LDHAL6A: variants seen among roughly 807,000 people sequenced by gnomAD.
The protein encoded by LDHAL6A is lactate dehydrogenase A like 6A, also known as L-lactate dehydrogenase A-like 6A.
Under a neutral mutation model 28.2 loss-of-function variants are expected in LDHAL6A, and 19 were observed. That is an observed-to-expected ratio of 0.67 (90% confidence interval 0.47 to 0.99). The LOEUF is 0.99. Ranked by LOEUF, LDHAL6A falls within the 50% of genes least tolerant of loss-of-function variation. The pLI is 0.00. For missense variants in LDHAL6A, 372 were observed against 398.6 expected, an observed-to-expected ratio of 0.93 and a Z score of 0.57; for synonymous variants, 144 against 134.4, an observed-to-expected ratio of 1.07 and a Z score of -0.49.
Position 18,475,499 on chromosome 11 carries a change from G to A in LDHAL6A, c.452G>A (p.Ser151Asn). The A allele has an allele frequency of 6.2e-7, 1 of 1,613,966 alleles. No individual in the cohort carries two copies. Among genetic ancestry groups the A allele is most frequent in the Non-Finnish European group, 8.5e-7 (1 of 1,179,910 alleles). ...DILTYVAWKL[S>N]GFPKNRVIGS... ...TTAACTTATGTAGCCTGGAAGTTGA[G>A]TGGATTTCCCAAAAACCGTGTTATT... Residue 151 changes from serine to asparagine, a missense_variant, in exon 4 of 7, where the codon AGT becomes AAT. By Grantham distance (46) the Ser-to-Asn change is conservative. Transcript: ENST00000280706.
Position 18,476,379 on chromosome 11 carries a change from C to T in LDHAL6A, c.593-5C>T. 6.2e-7 allele frequency: 1 copy of T among 1,610,130 alleles called. No homozygotes were observed. Among genetic ancestry groups the T allele is most frequent in the Middle Eastern group, 1.7e-4 (1 of 5,978 alleles). The stretch of plus-strand genomic sequence containing the variant: ...GAAGTGGGATTTTGGGTGTCTCTTT[C>T]TTAGTTCCTGTGTGGAGTGGTGTGA... On this transcript the variant is annotated splice_polypyrimidine_tract_variant and splice_region_variant and intron_variant, in intron 4 of 6. Transcript: ENST00000280706.
chr11:18,467,906 TATATATATATATAC>T (rs1849121535), intron 3 of LDHAL6A, among the ~76,000 whole-genome samples: 8 of 71,426 alleles, frequency 1.1e-4, no homozygotes, highest in East Asian at 1.5e-3. Flanking sequence ...TATATATATA[TATATATATATATAC>T]ACACACATAT....
At chr11:18,474,245 A>AT (rs1357365083) in intron 3 of LDHAL6A, among the ~76,000 whole-genome samples, 1 of 151,202 alleles carries the variant, frequency 6.6e-6, no homozygotes, top group African/African-American at 2.4e-5. Flanking sequence ...CGCCTGGCTA[A>AT]TTTTTTTATT....
rs1849381197 is a variant in LDHAL6A at position 18,476,330 on chromosome 11, C to T, written c.593-54C>T. On this transcript the variant is annotated intron_variant, in intron 4 of 6. Transcript: ENST00000280706. ...TAACAGTTTTGCTGAGGTCAAAAAC[C>T]AAAACCCTGCTAATACCATGTAAGA... is the stretch of plus-strand genomic sequence containing the variant. The T allele has an allele frequency of 7.1e-6, 11 of 1,559,528 alleles. No homozygotes were observed. The East Asian group carries it at 1.8e-4, about 26-fold the overall frequency.
In LDHAL6A at chr11:18,479,542, T is replaced by TATAC. The variant is rs1554969075; in HGVS notation, c.*673_*674insTACA. 5 of 151,768 alleles carry TATAC rather than the reference T, an allele frequency of 3.3e-5. No homozygotes were observed. Among genetic ancestry groups the TATAC allele is most frequent in the East Asian group, 1.9e-4 (1 of 5,154 alleles). The allele number at this position is 151,768 out of a possible 1,614,324, so 9.4% of individuals were successfully genotyped here. On this transcript the variant is annotated 3_prime_UTR_variant, in exon 7 of 7. Transcript: ENST00000280706. Reference sequence around the variant, plus strand: ...ATGTAAAAATAAAAGTGTATATATATACACACACACACAGAGAGTAATCTA... The same window carrying TATAC: ...ATGTAAAAATAAAAGTGTATATATATATACACACACACACACAGAGAGTAATCTA...
At chr11:18,468,042 T>C (rs1424874587) in intron 3 of LDHAL6A, among the ~76,000 whole-genome samples, 2 of 13,580 alleles carry the variant, frequency 1.5e-4, no homozygotes, top group African/African-American at 2.5e-4. Context: ...TATATACATA[T>C]ATATACGTAT....
intron 5 of LDHAL6A, among the ~76,000 whole-genome samples, chr11:18,477,287 C>T (rs1044954441): frequency 4.0e-5 from 6 of 151,864 alleles, no homozygotes; most frequent in South Asian, 2.1e-4. Context: ...GGTGAAAACC[C>T]GTCTCTACTA....
intron 3 of LDHAL6A, 128 bp from the exon 4 acceptor site, chr11:18,475,338 T>C (rs1849345839): frequency 2.8e-6 from 2 of 711,046 alleles, no homozygotes; most frequent in Admixed American, 2.5e-5. Context: ...ATAGCTGGGG[T>C]TGGATAGAGA....
At chr11:18,464,968 G>GTT (rs1565068644) in intron 2 of LDHAL6A, among the ~76,000 whole-genome samples, 6 of 3,804 alleles carry the variant, frequency 1.6e-3, no homozygotes, top group African/African-American at 1.8e-3. Context: ...GAGGTGAGGT[G>GTT]TTTTTTTTGT....
intron 2 of LDHAL6A, among the ~76,000 whole-genome samples, chr11:18,464,870 T>C (rs1430699616): frequency 2.0e-5 from 3 of 152,178 alleles, no homozygotes; most frequent in African/African-American, 7.2e-5. Context: ...TTCAAAGGTC[T>C]GTTCACACCA....
At chr11:18,463,540 GCTC>G (rs1848977873) in intron 1 of LDHAL6A, among the ~76,000 whole-genome samples, 2 of 152,168 alleles carry the variant, frequency 1.3e-5, no homozygotes, top group African/African-American at 2.4e-5. Flanking sequence ...CTTTTACTGA[GCTC>G]CTCTGTGCCA....
rs1299724055 is a variant in LDHAL6A at position 18,475,757 on chromosome 11, T to C, written c.592+118T>C. 3 of 727,876 alleles carry C rather than the reference T, an allele frequency of 4.1e-6. No individual in the cohort carries two copies. The African/African-American group carries it at 5.4e-5, about 13-fold the overall frequency. The allele number at this position is 727,876 out of a possible 1,614,324, so 45.1% of individuals were successfully genotyped here. On this transcript the variant is annotated intron_variant, in intron 4 of 6. Coordinates refer to ENST00000280706, the MANE Select transcript of LDHAL6A (RefSeq NM_144972.5). Reference sequence around the variant, plus strand: ...AGACTTTATTCCACTTTAGGCCCTTTTAGTAGCGTTTAATTTTTACCACAC... The same window carrying C: ...AGACTTTATTCCACTTTAGGCCCTTCTAGTAGCGTTTAATTTTTACCACAC...
intron 3 of LDHAL6A, among the ~76,000 whole-genome samples, chr11:18,474,940 C>T (rs1254709058): frequency 6.6e-6 from 1 of 152,076 alleles, no homozygotes; most frequent in Non-Finnish European, 1.5e-5. Flanking sequence ...TTTAAAAATG[C>T]ATTAAAGAAT....
chr11:18,462,663 AAAAC>A lies in LDHAL6A; in HGVS notation c.127-1294_127-1291del, dbSNP rs1158794831. On this transcript the variant is annotated intron_variant, in intron 1 of 6. Transcript: ENST00000280706. ...AAAAACAAACAAACAAACAAAAAAAAAAACAAAAAAAACCCAAAAATTAGCTGGG... is the reference window on the plus strand; with the variant it reads ...AAAAACAAACAAACAAACAAAAAAAAAAAAAAAACCCAAAAATTAGCTGGG... Among the ~76,000 whole-genome samples the A allele has an allele frequency of 1.8e-4, 26 of 144,498 alleles. 1 individual carries two copies. The highest frequency in any genetic ancestry group is 6.3e-4 in the African/African-American group (24 of 37,890). The allele number at this position is 144,498 out of a possible 152,430, so 94.8% of individuals were successfully genotyped here.
intron 1 of LDHAL6A, among the ~76,000 whole-genome samples, chr11:18,463,211 T>C (rs1311781002): frequency 6.6e-6 from 1 of 152,146 alleles, no homozygotes; most frequent in East Asian, 1.9e-4. Context: ...GTTGACTGGG[T>C]CATGAGGGCT....
chr11:18,462,012 G>A (rs1177762258), intron 1 of LDHAL6A, among the ~76,000 whole-genome samples: 2 of 151,328 alleles, frequency 1.3e-5, no homozygotes, highest in Non-Finnish European at 2.9e-5. Context: ...TTAGCCAGAT[G>A]TGGTGGCAGG....
intron 3 of LDHAL6A, among the ~76,000 whole-genome samples, chr11:18,467,843 G>T (rs1849109742): frequency 7.8e-6 from 1 of 127,888 alleles, no homozygotes; most frequent in Non-Finnish European, 1.6e-5. Flanking sequence ...GGGCAACAGG[G>T]CAAGACTGTC....
chr11:18,467,534 C>T (rs1334774959), intron 3 of LDHAL6A, among the ~76,000 whole-genome samples: 2 of 151,918 alleles, frequency 1.3e-5, no homozygotes, highest in Non-Finnish European at 1.5e-5. Flanking sequence ...GTTTTGAAAT[C>T]AGGATGTATT....
At chr11:18,457,773 G>A (rs943975219) in intron 1 of LDHAL6A, among the ~76,000 whole-genome samples, 1 of 152,104 alleles carries the variant, frequency 6.6e-6, no homozygotes, top group Non-Finnish European at 1.5e-5. Flanking sequence ...CTGGCCTCAA[G>A]CAGGAGGTCT....
Sources: gnomAD v4.1 joint callset for allele counts (sites outside exome capture counted in the v4.1 genomes callset) on GRCh38, gnomAD v4.1.1 for gene constraint, MANE v1.5 for transcripts, NCBI Gene and HGNC (gene_info 2026-07-23, HGNC 2026-07-21) for gene names.